The following CWF19L2 variants were observed in gnomAD, a reference collection of about 807,000 sequenced individuals.
CWF19L2 encodes the protein CWF19 like cell cycle control factor 2.
In CWF19L2, 98 loss-of-function variants were observed where a neutral mutation model predicts 111.7. The observed-to-expected ratio is 0.88, with a 90% CI of 0.75 to 1.04. CWF19L2 has a LOEUF of 1.04. CWF19L2 is among the 50% of genes least tolerant of loss of function. The probability of loss-of-function intolerance (pLI) is 0.00; values close to 1 mark genes in which losing one functional copy is unlikely to be tolerated. For missense variants in CWF19L2, 1,101 were observed against 1,051.4 expected, an observed-to-expected ratio of 1.05 and a Z score of -0.65; for synonymous variants, 351 against 342.9, an observed-to-expected ratio of 1.02 and a Z score of -0.26.
At chr11:107,357,607 C>T (rs1028868468) in intron 12 of CWF19L2, among the ~76,000 whole-genome samples, 3 of 152,168 alleles carry the variant, frequency 2.0e-5, no homozygotes, top group Admixed American at 6.5e-5. Context: ...ATGATACAGT[C>T]TTGCCAATTA....
chr11:107,333,088 T>TTA (rs1491240438), intron 16 of CWF19L2, among the ~76,000 whole-genome samples: 24 of 146,374 alleles, frequency 1.6e-4, no homozygotes, highest in African/African-American at 6.1e-4. Context: ...AGACTCTGTC[T>TTA]AAAAAAAAAA....
At chr11:107,411,255 T>C (rs1018997351) in intron 10 of CWF19L2, among the ~76,000 whole-genome samples, 1 of 152,200 alleles carries the variant, frequency 6.6e-6, no homozygotes, top group East Asian at 1.9e-4. Flanking sequence ...AAACAGTTAA[T>C]TTCCCTTAGA....
chr11:107,420,658 A>AT (rs1335577045), intron 8 of CWF19L2, among the ~76,000 whole-genome samples: 2 of 151,876 alleles, frequency 1.3e-5, no homozygotes, highest in Non-Finnish European at 2.9e-5. Context: ...TATCTGTAGT[A>AT]TTTTTTTTCC....
chr11:107,404,721 G>A (rs1369189432), intron 10 of CWF19L2: 1 of 352,102 alleles, frequency 2.8e-6, no homozygotes, highest in African/African-American at 2.1e-5. Flanking sequence ...TGTATTGATA[G>A]GACCTAGCAC....
chr11:107,405,611 T>G lies in CWF19L2; in HGVS notation c.1617+10598A>C, dbSNP rs190520151. Reference sequence around the variant, plus strand: ...TAAAAAAACTAGACAACAGGACAAATACATGAAACAACCACTTTTAGACAT... The same window carrying G: ...TAAAAAAACTAGACAACAGGACAAAGACATGAAACAACCACTTTTAGACAT... On this transcript the variant is annotated intron_variant, in intron 10 of 17. Coordinates refer to ENST00000282251, the MANE Select transcript of CWF19L2 (RefSeq NM_152434.3). 1.6e-3 allele frequency among the ~76,000 whole-genome samples: 241 copies of G among 151,712 alleles called. 1 individual carries two copies. Among genetic ancestry groups the G allele is most frequent in the African/African-American group, 5.4e-3 (222 of 41,374 alleles).
At position 107,362,004 on chromosome 11, in the gene CWF19L2, G is replaced by A. The variant is rs12280224; in HGVS notation, c.1873-8268C>T. ...AGCCGAAGCAGGGCGAGGCATTGCC[G>A]CACTTGGGAAGCGCAAGGGGTCAGG... On this transcript the variant is annotated intron_variant, in intron 12 of 17. Transcript: ENST00000282251. Among the ~76,000 whole-genome samples, 764 of 152,268 alleles carry A rather than the reference G, an allele frequency of 5.0e-3. 7 individuals carry two copies. Among genetic ancestry groups the A allele is most frequent in the African/African-American group, 0.017 (689 of 41,552 alleles).
chr11:107,344,347 T>C (rs1386072199), intron 14 of CWF19L2, among the ~76,000 whole-genome samples: 1 of 152,248 alleles, frequency 6.6e-6, no homozygotes, highest in Non-Finnish European at 1.5e-5. Flanking sequence ...TCCAGGATTT[T>C]TTCTTTTATC....
intron 16 of CWF19L2, among the ~76,000 whole-genome samples, 168 bp downstream of exon 16, chr11:107,334,713 A>C (rs952526831): frequency 6.6e-6 from 1 of 152,212 alleles, no homozygotes; most frequent in Non-Finnish European, 1.5e-5. Context: ...TCTACAAACA[A>C]ATAAGCATTT....
intron 12 of CWF19L2, among the ~76,000 whole-genome samples, chr11:107,380,818 G>C (rs1040081939): frequency 2.6e-5 from 4 of 152,106 alleles, no homozygotes; most frequent in South Asian, 4.1e-4. Flanking sequence ...AGCAACCCAA[G>C]TGTCCATGAA....
chr11:107,354,993 CTG>C (rs1195105080), intron 12 of CWF19L2, among the ~76,000 whole-genome samples: 5 of 152,250 alleles, frequency 3.3e-5, no homozygotes, highest in African/African-American at 1.2e-4. Flanking sequence ...GATGACTACA[CTG>C]TATCACACTC....
chr11:107,412,579 G>A (rs1050274460), intron 10 of CWF19L2, among the ~76,000 whole-genome samples: 16 of 152,150 alleles, frequency 1.1e-4, no homozygotes, highest in African/African-American at 2.7e-4. Context: ...GACCTCAAGC[G>A]ATCTGCCCAT....
At chr11:107,425,871 G>C (rs916570203) in intron 8 of CWF19L2, among the ~76,000 whole-genome samples, 9 of 151,858 alleles carry the variant, frequency 5.9e-5, no homozygotes, top group Non-Finnish European at 1.0e-4. Context: ...ATTAATTTTT[G>C]TTCACATTAC....
Position 107,336,715 on chromosome 11 carries a change from TAA to T in CWF19L2, c.2203-4_2203-3del, listed in dbSNP as rs540909186. 1.4e-3 allele frequency: 1,681 copies of T among 1,159,550 alleles called. No individual in the cohort carries two copies. Among genetic ancestry groups the T allele is most frequent in the South Asian group, 3.1e-3 (181 of 58,904 alleles). 71.8% of individuals were successfully genotyped at this position (1,159,550 alleles called of 1,614,324 possible). A position where few individuals can be genotyped will look rare whatever the true frequency, so the allele number is the denominator to read the frequency against. ...CTTTACCAATGATTTTCTGAACATC[TAA>T]AAAAAAAAAAGAACTAGGTAAAGAA... is the stretch of plus-strand genomic sequence containing the variant. On this transcript the variant is annotated splice_polypyrimidine_tract_variant and splice_region_variant and intron_variant, in intron 14 of 17. Transcript: ENST00000282251.
chr11:107,441,448 T>A (rs1861616878), intron 5 of CWF19L2, 55 bp downstream of exon 5: 1 of 1,403,338 alleles, frequency 7.1e-7, no homozygotes, highest in Admixed American at 3.1e-5. Flanking sequence ...ATAAATGTCT[T>A]GTAAGTTTAT....
chr11:107,338,268 C>T (rs898985524), intron 14 of CWF19L2, among the ~76,000 whole-genome samples: 1 of 152,094 alleles, frequency 6.6e-6, no homozygotes, highest in Non-Finnish European at 1.5e-5. Flanking sequence ...CACAGTCATT[C>T]CACACCCTAT....
intron 10 of CWF19L2, among the ~76,000 whole-genome samples, chr11:107,399,331 C>T (rs891382132): frequency 6.6e-6 from 1 of 152,040 alleles, no homozygotes; most frequent in African/African-American, 2.4e-5. Context: ...AGGAAACTCA[C>T]CTAACACATA....
rs369938406 is a variant in CWF19L2 at position 107,392,775 on chromosome 11, A to T, written c.1734+4T>A. 17 of 1,509,268 alleles carry T rather than the reference A, an allele frequency of 1.1e-5. No homozygotes were observed. The highest frequency in any genetic ancestry group is 1.5e-5 in the Non-Finnish European group (16 of 1,096,298). 93.5% of individuals were successfully genotyped at this position (1,509,268 alleles called of 1,614,324 possible). A position where few individuals can be genotyped will look rare whatever the true frequency, so the allele number is the denominator to read the frequency against. The stretch of plus-strand genomic sequence containing the variant: ...TAATAAACAAAGACATATGTTAAAC[A>T]TACCATCTGTCTCTTTCTTCTTCCT... On this transcript the variant is annotated splice_donor_region_variant and intron_variant, in intron 11 of 17. Transcript: ENST00000282251.
At chr11:107,403,539 C>T in intron 10 of CWF19L2, 1 of 806,188 alleles carries the variant, frequency 1.2e-6, no homozygotes, top group East Asian at 2.5e-5. Context: ...TTCTCCTTGT[C>T]CTCAGTAGTA....
At position 107,416,282 on chromosome 11, in the gene CWF19L2, A is replaced by T; in HGVS notation, c.1544T>A (p.Leu515His). The change falls in exon 10 of 18, where the codon CTT becomes CAT. Residue 515 changes from leucine to histidine, a missense_variant. Leu to His is a moderately conservative substitution (Grantham distance 99). Transcript: ENST00000282251. ...MMGNMELAEQ[L>H]KVQLEKANKF... ...ATTTGCCTTTTCAAGTTGAACTTTA[A>T]GTTGTTCAGCTAATTCCTTCAAAAA... 6.8e-7 allele frequency: 1 copy of T among 1,463,032 alleles called. No individual in the cohort carries two copies. The highest frequency in any genetic ancestry group is 1.3e-5 in the South Asian group (1 of 74,638). 90.6% of individuals were successfully genotyped at this position (1,463,032 alleles called of 1,614,324 possible).
Sources: gnomAD v4.1 joint callset for allele counts (sites outside exome capture counted in the v4.1 genomes callset) on GRCh38, gnomAD v4.1.1 for gene constraint, MANE v1.5 for transcripts, NCBI Gene and HGNC (gene_info 2026-07-23, HGNC 2026-07-21) for gene names.